ELOVL5: variants seen among roughly 807,000 people sequenced by gnomAD.
ELOVL5 encodes very long chain fatty acid elongase 5.
ELOVL5 carries 8 observed loss-of-function variants against 38.6 expected under a neutral mutation model. That is an observed-to-expected ratio of 0.21 (90% CI 0.12 to 0.37). The LOEUF is 0.37. ELOVL5 is among the 10% of genes least tolerant of loss of function. The pLI, the probability that ELOVL5 is intolerant of heterozygous loss-of-function variation, is 1.00. For synonymous variants in ELOVL5, 127 were observed against 133.7 expected, an observed-to-expected ratio of 0.95 and a Z score of 0.34; for missense variants, 280 against 367.8, an observed-to-expected ratio of 0.76 and a Z score of 1.95.
chr6:53,340,387 C>CA (rs1452936627), intron 1 of ELOVL5, among the ~76,000 whole-genome samples: 1 of 151,976 alleles, frequency 6.6e-6, no homozygotes, highest in East Asian at 1.9e-4. Flanking sequence ...CACACCTAAT[C>CA]AAAAAATATT....
chr6:53,322,151 A>C (rs376929050), intron 1 of ELOVL5, among the ~76,000 whole-genome samples: 4 of 152,358 alleles, frequency 2.6e-5, no homozygotes, highest in African/African-American at 9.6e-5. Flanking sequence ...GTCTGGGGAC[A>C]TGGACTGTCA....
rs115611733 is a variant in ELOVL5 at position 53,300,683 on chromosome 6, C to A, written c.-8-4976G>T. On this transcript the variant is annotated intron_variant, in intron 1 of 7. Transcript: ENST00000304434. ...AGGGCTAGGCTGGCATGCACAAGGA[C>A]CAGAAGCCATGACAGGAGTGGGCAG... Among the ~76,000 whole-genome samples the A allele has an allele frequency of 4.9e-4, 75 of 151,952 alleles. 1 individual carries two copies. Among genetic ancestry groups the A allele is most frequent in the African/African-American group, 1.7e-3 (69 of 41,432 alleles).
chr6:53,309,139 A>C (rs571208629), intron 1 of ELOVL5, among the ~76,000 whole-genome samples: 1 of 152,170 alleles, frequency 6.6e-6, no homozygotes, highest in Non-Finnish European at 1.5e-5. Context: ...TACTACCAGG[A>C]GTCAACAGTG....
chr6:53,276,349 C>T (rs1316364065), intron 3 of ELOVL5, 93 bp from the exon 4 acceptor site: 4 of 864,894 alleles, frequency 4.6e-6, no homozygotes, highest in Non-Finnish European at 7.7e-6. Context: ...TGATAATTTA[C>T]CTTGGGCTGT....
chr6:53,302,080 TGAATTCGAGAGAAAGACTG>T lies in ELOVL5; in HGVS notation c.-8-6392_-8-6374del, dbSNP rs551334873. On this transcript the variant is annotated intron_variant, in intron 1 of 7. Transcript: ENST00000304434. ...TGTAGAATTTTAGGATCCTTGGGCC[TGAATTCGAGAGAAAGACTG>T]GAACTACCATAGCCTGGAATACAAA... Among the ~76,000 whole-genome samples, 120 of 152,276 alleles carry T rather than the reference TGAATTCGAGAGAAAGACTG, an allele frequency of 7.9e-4. 3 individuals carry two copies. In the South Asian group the frequency reaches 0.024, roughly 31 times the overall value.
At chr6:53,302,895 C>T (rs1315144258) in intron 1 of ELOVL5, among the ~76,000 whole-genome samples, 3 of 151,114 alleles carry the variant, frequency 2.0e-5, no homozygotes, top group Non-Finnish European at 1.5e-5. Context: ...TCCTGCTTTA[C>T]TTTTTTTTTA....
intron 5 of ELOVL5, among the ~76,000 whole-genome samples, chr6:53,274,434 T>C (rs1766037870): frequency 6.6e-6 from 1 of 152,116 alleles, no homozygotes; most frequent in Admixed American, 6.5e-5. Context: ...AATAGACCCA[T>C]AGGTTCTCAG....
Position 53,294,942 on chromosome 6 carries a change from T to C in ELOVL5, c.58+700A>G, listed in dbSNP as rs1177729692. On this transcript the variant is annotated intron_variant, in intron 2 of 7. Coordinates refer to ENST00000304434, the MANE Select transcript of ELOVL5 (RefSeq NM_021814.5). ...CCTTTCAGAGAGGTTGTACTCTTTCTCCACGCCTTCACTATTATCACTATT... is the reference window on the plus strand; with the variant it reads ...CCTTTCAGAGAGGTTGTACTCTTTCCCCACGCCTTCACTATTATCACTATT... Among the ~76,000 whole-genome samples, 3 of 152,246 alleles carry C rather than the reference T, an allele frequency of 2.0e-5. No homozygotes were observed. The East Asian group carries it at 5.8e-4, about 29-fold the overall frequency.
chr6:53,348,900 G>A lies in ELOVL5; in HGVS notation c.-92C>T. 2.2e-6 allele frequency: 1 copy of A among 453,176 alleles called. No homozygotes were observed. The highest frequency in any genetic ancestry group is 1.5e-5 in the South Asian group (1 of 64,690). The allele number at this position is 453,176 out of a possible 1,614,324, so 28.1% of individuals were successfully genotyped here. ...GAGCGCGGGTGGCAGCCGGCGCAGA[G>A]GCGGATGTAGAAGGAGACACCGGTG... On this transcript the variant is annotated 5_prime_UTR_variant, in exon 1 of 8. Coordinates refer to ENST00000304434, the MANE Select transcript of ELOVL5 (RefSeq NM_021814.5).
Position 53,316,072 on chromosome 6 carries a change from T to G in ELOVL5, c.-8-20365A>C, listed in dbSNP as rs1337166164. Among the ~76,000 whole-genome samples, 3 of 152,196 alleles carry G rather than the reference T, an allele frequency of 2.0e-5. No homozygotes were observed. In the East Asian group the frequency reaches 5.8e-4, roughly 29 times the overall value. On this transcript the variant is annotated intron_variant, in intron 1 of 7. Transcript: ENST00000304434. The stretch of plus-strand genomic sequence containing the variant: ...TCATGGAGTTGCTGTGAGGATTAAA[T>G]GAGATAATAAAATTGTATGAAGTGC...
At chr6:53,283,309 G>A (rs1442278792) in intron 3 of ELOVL5, among the ~76,000 whole-genome samples, 1 of 151,946 alleles carries the variant, frequency 6.6e-6, no homozygotes, top group South Asian at 2.1e-4. Flanking sequence ...ATGTGGAAAA[G>A]GCATGTTTAC....
intron 1 of ELOVL5, among the ~76,000 whole-genome samples, chr6:53,303,047 G>A (rs1024485516): frequency 3.3e-5 from 5 of 152,184 alleles, no homozygotes; most frequent in Non-Finnish European, 7.4e-5. Context: ...ACGTTAGGCA[G>A]GCATGGGAAC....
At chr6:53,303,568 T>C (rs140405563) in intron 1 of ELOVL5, among the ~76,000 whole-genome samples, 23 of 152,334 alleles carry the variant, frequency 1.5e-4, no homozygotes, top group African/African-American at 5.3e-4. Context: ...TTTGGGGTTT[T>C]AGATGAGTAA....
intron 3 of ELOVL5, among the ~76,000 whole-genome samples, chr6:53,278,076 A>G (rs946781091): frequency 2.0e-5 from 3 of 152,242 alleles, no homozygotes; most frequent in Admixed American, 6.5e-5. Context: ...TGGCAAAATT[A>G]AAAACGTACT....
intron 1 of ELOVL5, among the ~76,000 whole-genome samples, chr6:53,296,030 G>A (rs1290551690): frequency 6.6e-6 from 1 of 152,114 alleles, no homozygotes; most frequent in African/African-American, 2.4e-5. Flanking sequence ...TGGAATGAGA[G>A]GTGGCAGACA....
At chr6:53,301,500 C>T (rs897433896) in intron 1 of ELOVL5, among the ~76,000 whole-genome samples, 1 of 152,248 alleles carries the variant, frequency 6.6e-6, no homozygotes, top group Non-Finnish European at 1.5e-5. Context: ...AGGAAAAAGA[C>T]CACGCTGACA....
intron 1 of ELOVL5, among the ~76,000 whole-genome samples, chr6:53,339,138 T>C (rs1769211716): frequency 6.6e-6 from 1 of 152,102 alleles, no homozygotes; most frequent in Admixed American, 6.6e-5. Context: ...TGGGGGAAAA[T>C]CCTGCTACAA....
chr6:53,293,722 C>T (rs1044898417), intron 2 of ELOVL5, among the ~76,000 whole-genome samples: 1 of 152,196 alleles, frequency 6.6e-6, no homozygotes, highest in Admixed American at 6.5e-5. Context: ...AAGCATATGT[C>T]CACGTGGGGA....
intron 5 of ELOVL5, among the ~76,000 whole-genome samples, chr6:53,273,863 G>C (rs1035699140): frequency 6.6e-6 from 1 of 152,188 alleles, no homozygotes; most frequent in African/African-American, 2.4e-5. Flanking sequence ...CAAGAGTCTA[G>C]CTCCTTAGAG....
Sources: allele counts gnomAD v4.1 joint callset (sites outside exome capture counted in the v4.1 genomes callset), GRCh38; gene constraint gnomAD v4.1.1; transcripts MANE v1.5; gene names NCBI Gene and HGNC (gene_info 2026-07-23, HGNC 2026-07-21).